The following TCF3 variants were observed in gnomAD, a reference collection of about 807,000 sequenced individuals.
TCF3 encodes the protein transcription factor 3.
Under a neutral mutation model 72.3 loss-of-function variants are expected in TCF3, and 54 were observed. The observed-to-expected ratio is 0.75, with a 90% CI of 0.60 to 0.94. The LOEUF (loss-of-function observed/expected upper bound fraction) is 0.94. Among genes scored for constraint, TCF3 ranks in the 40% least tolerant of loss-of-function variants. The pLI is 0.00. For missense variants in TCF3, 1,078 were observed against 934.4 expected, an observed-to-expected ratio of 1.15 and a Z score of -2.00; for synonymous variants, 525 against 412.6, an observed-to-expected ratio of 1.27 and a Z score of -3.30.
At chr19:1,641,169 A>AG (rs2065184793) in intron 3 of TCF3, among the ~76,000 whole-genome samples, 1 of 151,872 alleles carries the variant, frequency 6.6e-6, no homozygotes, top group African/African-American at 2.4e-5. Flanking sequence ...TCTCAAAAAA[A>AG]AAAAAAAAGT....
intron 2 of TCF3, among the ~76,000 whole-genome samples, chr19:1,647,016 A>C (rs2066218925): frequency 6.6e-6 from 1 of 152,036 alleles, no homozygotes; most frequent in Non-Finnish European, 1.5e-5. Context: ...GCAAAAGGGG[A>C]AGCCGAGGCT....
At chr19:1,616,935 G>A (rs1044325054) in intron 16 of TCF3, among the ~76,000 whole-genome samples, 1 of 152,100 alleles carries the variant, frequency 6.6e-6, no homozygotes, top group Non-Finnish European at 1.5e-5. Context: ...CACAATCAAT[G>A]GGAAAGGACA....
At chr19:1,619,046 A>G (rs2061859847) in intron 16 of TCF3, 65 bp downstream of exon 16, 2 of 1,595,784 alleles carry the variant, frequency 1.3e-6, no homozygotes, top group Admixed American at 1.7e-5. Context: ...GACCCCCACC[A>G]CTAGAGTGCC....
chr19:1,619,660 C>T, intron 14 of TCF3, 120 bp downstream of exon 14: 1 of 1,285,770 alleles, frequency 7.8e-7, no homozygotes, highest in Non-Finnish European at 1.1e-6. Flanking sequence ...GCCACGAGGC[C>T]TCAATAACAG....
chr19:1,631,679 G>A (rs1433570877), intron 5 of TCF3, among the ~76,000 whole-genome samples: 3 of 152,186 alleles, frequency 2.0e-5, no homozygotes, highest in Non-Finnish European at 2.9e-5. Context: ...CCGCCCTCCC[G>A]AGTCTCCAGA....
chr19:1,635,721 G>A (rs1368098907), intron 3 of TCF3, among the ~76,000 whole-genome samples: 1 of 152,186 alleles, frequency 6.6e-6, no homozygotes, highest in Non-Finnish European at 1.5e-5. Context: ...AACGTGGCCA[G>A]CATTTTTTCA....
At chr19:1,643,204 A>G (rs886531902) in intron 3 of TCF3, among the ~76,000 whole-genome samples, 12 of 152,222 alleles carry the variant, frequency 7.9e-5, no homozygotes, top group African/African-American at 2.9e-4. Flanking sequence ...CCTATTCGTT[A>G]ATCTCTAATG....
intron 7 of TCF3, 98 bp from the exon 8 acceptor site, chr19:1,624,098 T>C (rs2062592537): frequency 1.5e-6 from 2 of 1,313,212 alleles, no homozygotes; most frequent in Non-Finnish European, 2.2e-6. Flanking sequence ...CCGTTTCATA[T>C]ATTAAAAACC....
chr19:1,619,550 A>G (rs1044772492), intron 14 of TCF3, 76 bp from the exon 15 acceptor site: 74 of 1,501,886 alleles, frequency 4.9e-5, no homozygotes, highest in Non-Finnish European at 5.9e-5. Context: ...TCCCTTCCGC[A>G]TGCAAGTGGC....
At chr19:1,631,294 AATCTCGCTCC>A (rs1216888445) in intron 5 of TCF3, among the ~76,000 whole-genome samples, 1 of 147,874 alleles carries the variant, frequency 6.8e-6, no homozygotes, top group Non-Finnish European at 1.5e-5. Flanking sequence ...TTTAAGATGG[AATCTCGCTCC>A]ATCACCCAGG....
chr19:1,629,571 G>C (rs927875257), intron 5 of TCF3, among the ~76,000 whole-genome samples: 1 of 152,014 alleles, frequency 6.6e-6, no homozygotes, highest in Non-Finnish European at 1.5e-5. Context: ...CTACGGAGGA[G>C]GACAGCCTGC....
In TCF3 at chr19:1,619,096, A is replaced by T; in HGVS notation, c.1450+15T>A. 1 of 1,599,094 alleles carries T rather than the reference A, an allele frequency of 6.3e-7. No homozygotes were observed. Among genetic ancestry groups the T allele is most frequent in the Non-Finnish European group, 8.5e-7 (1 of 1,179,652 alleles). On this transcript the variant is annotated intron_variant, in intron 16 of 18. Transcript: ENST00000262965. ...TGGAACCAGGAGTCGGACAGTCCCA[A>T]GCTCAAGGGCTTACCACTGTAGGAG...
At chr19:1,648,991 C>T (rs996706482) in intron 2 of TCF3, among the ~76,000 whole-genome samples, 3 of 152,238 alleles carry the variant, frequency 2.0e-5, no homozygotes, top group Admixed American at 6.5e-5. Flanking sequence ...CAGGGGGCTC[C>T]GGCATTCCAG....
In TCF3 at chr19:1,622,050, C is replaced by A; in HGVS notation, c.822+4G>T. ...CACCCCCTGCCCCCTGCCCTGGGTCCTACCATACGCTCGTGCTGGTGCAGG... is the reference window on the plus strand; with the variant it reads ...CACCCCCTGCCCCCTGCCCTGGGTCATACCATACGCTCGTGCTGGTGCAGG... On this transcript the variant is annotated splice_donor_region_variant and intron_variant, in intron 10 of 18. Transcript: ENST00000262965. 6.2e-7 allele frequency: 1 copy of A among 1,602,588 alleles called. No individual in the cohort carries two copies.
At chr19:1,644,033 G>A (rs2065709036) in intron 3 of TCF3, among the ~76,000 whole-genome samples, 6 of 152,200 alleles carry the variant, frequency 3.9e-5, no homozygotes, top group Admixed American at 3.3e-4. Context: ...AGAAGCCGAG[G>A]TTTGGGAAGG....
At chr19:1,629,887 G>A (rs546651374) in intron 5 of TCF3, among the ~76,000 whole-genome samples, 4 of 152,158 alleles carry the variant, frequency 2.6e-5, no homozygotes, top group Admixed American at 6.5e-5. Flanking sequence ...TTGGTGACCC[G>A]GGGGGACATG....
At chr19:1,644,358 G>C (rs1466047996) in intron 3 of TCF3, among the ~76,000 whole-genome samples, 1 of 150,788 alleles carries the variant, frequency 6.6e-6, no homozygotes, top group African/African-American at 2.4e-5. Flanking sequence ...CACCACCCCC[G>C]GGCTCAGGCG....
chr19:1,639,285 C>A (rs753700878), intron 3 of TCF3, among the ~76,000 whole-genome samples: 1 of 152,206 alleles, frequency 6.6e-6, no homozygotes, highest in African/African-American at 2.4e-5. Context: ...CTCAGAAGAT[C>A]CACCTGCCTT....
chr19:1,646,338 GGAAGGCGGGGT>G lies in TCF3; in HGVS notation c.145+6_145+16del, dbSNP rs1279192725. 6.5e-7 allele frequency: 1 copy of G among 1,549,980 alleles called. No individual in the cohort carries two copies. Among genetic ancestry groups the G allele is most frequent in the African/African-American group, 1.4e-5 (1 of 73,026 alleles). On this transcript the variant is annotated splice_donor_region_variant and intron_variant, in intron 3 of 18. Transcript: ENST00000262965. ...TCTCCTCACTCCACGAGCGCTGGCA[GGAAGGCGGGGT>G]CCTACCTGAACCTCCGAACTGCGCC...
Sources: allele counts gnomAD v4.1 joint callset (sites outside exome capture counted in the v4.1 genomes callset), GRCh38; gene constraint gnomAD v4.1.1; transcripts MANE v1.5; gene names NCBI Gene and HGNC (gene_info 2026-07-23, HGNC 2026-07-21).